The following NDEL1 variants were observed in gnomAD, a reference collection of about 807,000 sequenced individuals.
NDEL1 encodes nudE neurodevelopment protein 1 like 1.
In NDEL1, 9 loss-of-function variants were observed where a neutral mutation model predicts 45.7. That is an observed-to-expected ratio of 0.20 (90% CI 0.12 to 0.34). The LOEUF (loss-of-function observed/expected upper bound fraction) is 0.34, where lower values mean the gene tolerates loss of function less well. NDEL1 is among the 10% of genes least tolerant of loss of function. NDEL1 has a pLI of 1.00. For missense variants in NDEL1, 306 were observed against 406.2 expected (o/e 0.75, Z 2.12); for synonymous variants, 133 against 158.6 (o/e 0.84, Z 1.21).
downstream of NDEL1, among the ~76,000 whole-genome samples, chr17:8,473,153 C>T (rs372725616): frequency 2.0e-5 from 3 of 152,044 alleles, no homozygotes; most frequent in Non-Finnish European, 4.4e-5. Context: ...GAAACTGTGA[C>T]GTGAACACCA....
At chr17:8,427,580 T>C (rs1317600394) in intron 1 of NDEL1, among the ~76,000 whole-genome samples, 1 of 152,108 alleles carries the variant, frequency 6.6e-6, no homozygotes, top group Non-Finnish European at 1.5e-5. Flanking sequence ...TGCAGGCCTA[T>C]AGTTCCAGCT....
chr17:8,447,804 G>A (rs565964429), intron 4 of NDEL1, among the ~76,000 whole-genome samples: 2 of 152,228 alleles, frequency 1.3e-5, no homozygotes, highest in East Asian at 3.9e-4. Flanking sequence ...TTTATCCAGT[G>A]AGTCTTAAGT....
chr17:8,444,094 G>C, intron 1 of NDEL1, 166 bp from the exon 2 acceptor site: 1 of 556,578 alleles, frequency 1.8e-6, no homozygotes, highest in East Asian at 3.0e-5. Context: ...TGAGAGTGGA[G>C]CAGTGGAGTG....
chr17:8,448,760 C>T, intron 5 of NDEL1, 74 bp downstream of exon 5: 1 of 1,391,772 alleles, frequency 7.2e-7, no homozygotes, highest in Non-Finnish European at 9.7e-7. Flanking sequence ...CCCACTTATA[C>T]TCTGATTTTT....
intron 1 of NDEL1, among the ~76,000 whole-genome samples, chr17:8,422,366 T>A (rs1908725508): frequency 6.6e-6 from 1 of 152,036 alleles, no homozygotes; most frequent in South Asian, 2.1e-4. Context: ...TGGAGTGCAG[T>A]GGTGCGATCT....
intron 7 of NDEL1, among the ~76,000 whole-genome samples, chr17:8,456,799 A>G (rs62063366): frequency 0.089 from 13,484 of 152,118 alleles, 788 homozygotes; most frequent in African/African-American, 0.16. Context: ...ATGTCTGGCC[A>G]GTATTAGACT....
chr17:8,434,794 G>A (rs1360553070), upstream of NDEL1, among the ~76,000 whole-genome samples: 8 of 152,038 alleles, frequency 5.3e-5, no homozygotes, highest in South Asian at 1.2e-3. Context: ...AGATGGGGCC[G>A]GGCGCTGTGT....
intron 1 of NDEL1, among the ~76,000 whole-genome samples, chr17:8,413,498 C>T (rs754070587): frequency 7.9e-5 from 12 of 152,176 alleles, no homozygotes; most frequent in East Asian, 1.9e-4. Context: ...ATATCATTTG[C>T]GCACATCTTC....
At chr17:8,422,458 G>C (rs1269986007) in intron 1 of NDEL1, among the ~76,000 whole-genome samples, 2 of 150,210 alleles carry the variant, frequency 1.3e-5, no homozygotes, top group Non-Finnish European at 3.0e-5. Flanking sequence ...ACAGGCACCC[G>C]CCACCATGCC....
In NDEL1 at chr17:8,435,916, G is replaced by T. The variant is rs551012340; in HGVS notation, c.-142G>T. On this transcript the variant is annotated 5_prime_UTR_variant, in exon 1 of 9. Transcript: ENST00000334527. ...GACGTGTCGGGGAGGAGCCGGGCGC[G>T]GAGGTACGCTGAGTGGAGCTCGGGG... 1.1e-5 allele frequency: 5 copies of T among 448,324 alleles called. No homozygotes were observed. Among genetic ancestry groups the T allele is most frequent in the South Asian group, 6.2e-5 (4 of 64,134 alleles). The allele number at this position is 448,324 out of a possible 1,614,324, so 27.8% of individuals were successfully genotyped here.
At chr17:8,414,579 A>C (rs963136305) in intron 1 of NDEL1, among the ~76,000 whole-genome samples, 3 of 152,092 alleles carry the variant, frequency 2.0e-5, no homozygotes, top group Non-Finnish European at 4.4e-5. Flanking sequence ...AGGCAGGAGA[A>C]TGGTGTGAAC....
chr17:8,434,100 A>T (rs537481951), upstream of NDEL1, among the ~76,000 whole-genome samples: 60 of 152,336 alleles, frequency 3.9e-4, no homozygotes, highest in Non-Finnish European at 6.0e-4. Context: ...CCACAAATCC[A>T]ATCCTAAAAG....
At chr17:8,436,432 C>T (rs1021671871) in intron 1 of NDEL1, 56 of 153,966 alleles carry the variant, frequency 3.6e-4, no homozygotes, top group African/African-American at 1.3e-3. Flanking sequence ...CTCCTCCTAC[C>T]CCCTCTTCGA....
chr17:8,436,190 T>TA, intron 1 of NDEL1, 145 bp downstream of exon 1: 1 of 245,322 alleles, frequency 4.1e-6, no homozygotes, highest in Non-Finnish European at 8.1e-6. Flanking sequence ...GCGGCCAGCC[T>TA]GGGGGCAACT....
intron 7 of NDEL1, among the ~76,000 whole-genome samples, chr17:8,457,838 C>T (rs1327929048): frequency 6.6e-6 from 1 of 151,770 alleles, no homozygotes; most frequent in Non-Finnish European, 1.5e-5. Context: ...CAGCCTTTTA[C>T]TATATATGCG....
At chr17:8,442,543 G>A (rs1306767830) in intron 1 of NDEL1, among the ~76,000 whole-genome samples, 1 of 151,896 alleles carries the variant, frequency 6.6e-6, no homozygotes, top group Non-Finnish European at 1.5e-5. Flanking sequence ...CTGGGCTCAA[G>A]CAGTCCTCCT....
At chr17:8,419,409 T>C (rs974641159) in intron 1 of NDEL1, among the ~76,000 whole-genome samples, 2 of 152,238 alleles carry the variant, frequency 1.3e-5, no homozygotes, top group African/African-American at 4.8e-5. Flanking sequence ...CATATACTTA[T>C]AAAAAGAAAA....
intron 1 of NDEL1, among the ~76,000 whole-genome samples, chr17:8,441,684 TG>T (rs1316263561): frequency 6.6e-6 from 1 of 152,208 alleles, no homozygotes; most frequent in Non-Finnish European, 1.5e-5. Context: ...TTCTCACTTG[TG>T]CTCTATGCTA....
At chr17:8,417,246 A>G (rs1908566371) in intron 1 of NDEL1, among the ~76,000 whole-genome samples, 1 of 151,844 alleles carries the variant, frequency 6.6e-6, no homozygotes, top group African/African-American at 2.4e-5. Context: ...CCTCCCGAAT[A>G]GCTGGGATTA....
Sources: gnomAD v4.1 joint callset for allele counts (sites outside exome capture counted in the v4.1 genomes callset) on GRCh38, gnomAD v4.1.1 for gene constraint, MANE v1.5 for transcripts, NCBI Gene and HGNC (gene_info 2026-07-23, HGNC 2026-07-21) for gene names.